The following SPTBN2 variants were observed in gnomAD, a reference collection of about 807,000 sequenced individuals.
SPTBN2 encodes the protein spectrin beta, non-erythrocytic 2.
A neutral mutation model predicts 284.2 loss-of-function variants in SPTBN2; 107 were observed. The observed-to-expected ratio is 0.38, with a 90% confidence interval of 0.32 to 0.44. The LOEUF is 0.44. Among genes scored for constraint, SPTBN2 ranks in the 20% least tolerant of loss-of-function variants. The probability of loss-of-function intolerance (pLI) is 1.00; values close to 1 mark genes in which losing one functional copy is unlikely to be tolerated. For missense variants in SPTBN2, 2,569 were observed against 3,287.1 expected, an observed-to-expected ratio of 0.78 and a Z score of 5.34; for synonymous variants, 1,289 against 1,354.8, an observed-to-expected ratio of 0.95 and a Z score of 1.07.
chr11:66,700,522 T>C lies in SPTBN2; in HGVS notation c.3573+4A>G. ...CTGCTTGGGACTTTGCCCTGGACTT[T>C]CACCTGGCTGCTGAGCACGCCCTCA... On this transcript the variant is annotated splice_donor_region_variant and intron_variant, in intron 17 of 37. Transcript: ENST00000533211. This position sits in a 1 kb window ranked among gnomAD's most constrained non-coding sequence, Gnocchi z 6.6. The C allele has an allele frequency of 6.2e-7, 1 of 1,603,042 alleles. No homozygotes were observed. Among genetic ancestry groups the C allele is most frequent in the Non-Finnish European group, 8.5e-7 (1 of 1,179,960 alleles).
chr11:66,723,008 C>T (rs938668012), intron 1 of SPTBN2, among the ~76,000 whole-genome samples: 11 of 151,726 alleles, frequency 7.2e-5, no homozygotes, highest in African/African-American at 2.2e-4. Context: ...CGCTCTTAAT[C>T]GCAGCCTCTT....
In SPTBN2 at chr11:66,694,354, A is replaced by T; in HGVS notation, c.4288T>A (p.Trp1430Arg). The T allele has an allele frequency of 6.2e-7, 1 of 1,613,934 alleles. No homozygotes were observed. The highest frequency in any genetic ancestry group is 8.5e-7 in the Non-Finnish European group (1 of 1,179,874). ...ILLKKQQMLE[W>R]EMAVREKEVE... The stretch of plus-strand genomic sequence containing the variant: ...TCCTTCTCTCTCACAGCCATCTCCC[A>T]TTCCAGCATCTGCAAACCGCCAGGA... The change falls in exon 22 of 38, where the codon TGG (tryptophan) becomes AGG (arginine). Residue 1430 changes from tryptophan (W) to arginine (R), a missense_variant. Around this residue, in one of 6 missense-constraint regions of SPTBN2, gnomAD observed 49 missense variants for 92.6 expected, o/e 0.53. Coordinates refer to ENST00000533211, the MANE Select transcript of SPTBN2 (RefSeq NM_006946.4).
intron 37 of SPTBN2, 122 bp from the exon 38 acceptor site, chr11:66,686,226 G>C (rs748318028): frequency 1.4e-6 from 2 of 1,379,612 alleles, no homozygotes; most frequent in Admixed American, 1.7e-5. Context: ...GCTATTAGGA[G>C]AATGTGGCCG....
chr11:66,733,120 ATTAT>A (rs530139612), upstream of SPTBN2, among the ~76,000 whole-genome samples: 11 of 152,216 alleles, frequency 7.2e-5, no homozygotes, highest in Non-Finnish European at 1.5e-4. Context: ...TTTTTATGTC[ATTAT>A]TTAAAGAATT....
At position 66,687,703 on chromosome 11, in the gene SPTBN2, G is replaced by A. The variant is rs768338091; in HGVS notation, c.6502-56C>T. ...TTGAGACGGGAGATCCCTAACCTGG[G>A]TGCCAGGAAGCTCCGTGTCCAGGAG... On this transcript the variant is annotated intron_variant, in intron 34 of 37. Coordinates refer to ENST00000533211, the MANE Select transcript of SPTBN2 (RefSeq NM_006946.4). This position sits in a 1 kb window ranked among gnomAD's most constrained non-coding sequence, Gnocchi z 5.2. 156 of 1,574,624 alleles carry A rather than the reference G, an allele frequency of 9.9e-5. No homozygotes were observed. The highest frequency in any genetic ancestry group is 1.3e-4 in the Non-Finnish European group (151 of 1,157,466).
At chr11:66,712,508 T>C (rs948879952) in intron 8 of SPTBN2, among the ~76,000 whole-genome samples, 1 of 151,464 alleles carries the variant, frequency 6.6e-6, no homozygotes, top group Non-Finnish European at 1.5e-5. Flanking sequence ...GATCGCGCCA[T>C]TGCACTCCAG....
At chr11:66,716,325 T>G (rs1054796017) in intron 3 of SPTBN2, among the ~76,000 whole-genome samples, 2 of 151,734 alleles carry the variant, frequency 1.3e-5, no homozygotes, top group Non-Finnish European at 2.9e-5. Context: ...CTACTAAAAT[T>G]ACAAAAAATT....
intron 3 of SPTBN2, among the ~76,000 whole-genome samples, chr11:66,716,523 A>T (rs1432678335): frequency 2.0e-5 from 3 of 151,972 alleles, no homozygotes; most frequent in Admixed American, 2.0e-4. Flanking sequence ...AGGCTTTGAG[A>T]AGAAAGGATG....
rs994027689 is a variant in SPTBN2, at chr11:66,708,740, T to A, written c.1191+162A>T. Among the ~76,000 whole-genome samples the A allele has an allele frequency of 6.6e-6, 1 of 152,106 alleles. No homozygotes were observed. Among genetic ancestry groups the A allele is most frequent in the Non-Finnish European group, 1.5e-5 (1 of 68,020 alleles). On this transcript the variant is annotated intron_variant, in intron 11 of 37. Transcript: ENST00000533211. The surrounding 1 kb of genome is among the most constrained non-coding windows in gnomAD (Gnocchi z 4.4). ...CCTGAGAGGATGGGAGAATCACATC[T>A]GGCACAGTGTGGGCAGCTGGGCAGA... is the stretch of plus-strand genomic sequence containing the variant.
At chr11:66,739,895 G>A (rs911028506) in intron 1 of SPTBN2, among the ~76,000 whole-genome samples, 24 of 152,248 alleles carry the variant, frequency 1.6e-4, no homozygotes, top group Non-Finnish European at 2.6e-4. Context: ...AGCCAGGTAC[G>A]GTGATGCATG....
rs191919491 is a variant in SPTBN2, at chr11:66,736,759, G to A, written c.-474-7567C>T. Reference sequence around the variant, plus strand: ...AACTGAGTTGTACTAGAAAACCCAGGGCACTCAGAGAAGAATAGGTTTTGT... The same window carrying A: ...AACTGAGTTGTACTAGAAAACCCAGAGCACTCAGAGAAGAATAGGTTTTGT... On this transcript the variant is annotated intron_variant, in intron 1 of 37. Transcript: ENST00000611817. Among the ~76,000 whole-genome samples, 193 of 152,264 alleles carry A rather than the reference G, an allele frequency of 1.3e-3. 1 individual carries two copies. The Middle Eastern group carries it at 0.037, about 30-fold the overall frequency.
At chr11:66,740,627 T>C (rs979940343) in intron 1 of SPTBN2, among the ~76,000 whole-genome samples, 1 of 152,170 alleles carries the variant, frequency 6.6e-6, no homozygotes, top group Non-Finnish European at 1.5e-5. Flanking sequence ...ACCTGCTCCA[T>C]TTCAGGAAAC....
chr11:66,742,199 A>C (rs1243307857), intron 1 of SPTBN2, among the ~76,000 whole-genome samples: 1 of 152,226 alleles, frequency 6.6e-6, no homozygotes, highest in Non-Finnish European at 1.5e-5. Context: ...CAAGATTACA[A>C]AATTGGGAGA....
chr11:66,702,957 A>AAAAC (rs1941328945), intron 15 of SPTBN2, among the ~76,000 whole-genome samples: 1 of 151,406 alleles, frequency 6.6e-6, no homozygotes, highest in Non-Finnish European at 1.5e-5. Context: ...AAAAAAAAAA[A>AAAAC]AAACCAAAAA....
In SPTBN2 at chr11:66,685,453, G is replaced by T. The variant is rs1043149213; in HGVS notation, c.*418C>A. On this transcript the variant is annotated 3_prime_UTR_variant, in exon 38 of 38. Coordinates refer to ENST00000533211, the MANE Select transcript of SPTBN2 (RefSeq NM_006946.4). The surrounding 1 kb of genome is among the most constrained non-coding windows in gnomAD (Gnocchi z 4.4). ...CCAGGGCCTGCTTCAGCTCTGAGAG[G>T]TTCCTGGCTGGTCTGAGGGGTGAGG... 4 of 258,622 alleles carry T rather than the reference G, an allele frequency of 1.5e-5. No homozygotes were observed. 16.0% of individuals were successfully genotyped at this position (258,622 alleles called of 1,614,324 possible).
intron 1 of SPTBN2, among the ~76,000 whole-genome samples, chr11:66,739,212 ATTACAGGCGTGAGCCACT>A (rs1942878143): frequency 6.6e-6 from 1 of 152,146 alleles, no homozygotes; most frequent in Non-Finnish European, 1.5e-5. Flanking sequence ...AAGTGCTGGG[ATTACAGGCGTGAGCCACT>A]GTGCACAGCC....
intron 26 of SPTBN2, among the ~76,000 whole-genome samples, chr11:66,692,329 A>G (rs538842866): frequency 6.6e-6 from 1 of 152,220 alleles, no homozygotes; most frequent in African/African-American, 2.4e-5. Flanking sequence ...CTCCCATCTC[A>G]GCCTCCCAAG....
chr11:66,719,588 G>A (rs567098298), intron 3 of SPTBN2, among the ~76,000 whole-genome samples: 1 of 152,206 alleles, frequency 6.6e-6, no homozygotes, highest in African/African-American at 2.4e-5. Flanking sequence ...TGACAGTGCT[G>A]GGTGGCCCAA....
chr11:66,741,107 C>T (rs1942892617), intron 1 of SPTBN2, among the ~76,000 whole-genome samples: 1 of 152,108 alleles, frequency 6.6e-6, no homozygotes, highest in African/African-American at 2.4e-5. Context: ...ACAAGATATC[C>T]AAAGTAGACA....
Sources: allele counts gnomAD v4.1 joint callset (sites outside exome capture counted in the v4.1 genomes callset), GRCh38; gene constraint gnomAD v4.1.1; regional missense constraint gnomAD v4.1.1; non-coding constraint Gnocchi (gnomAD v3.1); transcripts MANE v1.5; gene names NCBI Gene and HGNC (gene_info 2026-07-23, HGNC 2026-07-21).